MRPL43: variants seen among roughly 807,000 people sequenced by gnomAD.
MRPL43 encodes the protein mitochondrial ribosomal protein L43.
Under a neutral mutation model 12.7 loss-of-function variants are expected in MRPL43, and 9 were observed. That is an observed-to-expected ratio of 0.71 (90% CI 0.43 to 1.24). The LOEUF is 1.24. Among genes scored for constraint, MRPL43 ranks in the 50% most tolerant of loss-of-function variants. The probability of loss-of-function intolerance (pLI) is 0.00; values close to 1 mark genes in which losing one functional copy is unlikely to be tolerated. For synonymous variants in MRPL43, 116 were observed against 96.4 expected (o/e 1.20, Z -1.19); for missense variants, 211 against 229.2 (o/e 0.92, Z 0.51).
At chr10:100,987,292 T>G in intron 1 of MRPL43, 21 bp downstream of exon 1, 1 of 1,611,978 alleles carries the variant, frequency 6.2e-7, no homozygotes, top group Non-Finnish European at 8.5e-7. Context: ...GACCCGCGCC[T>G]GCGCACTTCC....
chr10:100,980,762 G>A, downstream of MRPL43: 4 of 1,606,146 alleles, frequency 2.5e-6, no homozygotes, highest in Non-Finnish European at 2.6e-6. Context: ...AGGTTGGGCA[G>A]AGGCTGTGTA....
In MRPL43 at chr10:100,986,759, G is replaced by A. The variant is rs1363649487; in HGVS notation, c.455C>T (p.Ala152Val). 1.9e-6 allele frequency: 3 copies of A among 1,613,832 alleles called. No homozygotes were observed. Among genetic ancestry groups the A allele is most frequent in the Non-Finnish European group, 2.5e-6 (3 of 1,180,024 alleles). The change falls in exon 3 of 3, where the codon GCC becomes GTC. Residue 152 changes from alanine (A) to valine (V), a missense_variant. Transcript: ENST00000318364. ...GLRPREVQDP[A>V]PAQVQAQ The stretch of plus-strand genomic sequence containing the variant: ...TCACTGTGCTTGCACCTGGGCTGGG[G>A]CAGGATCCTGAACCTCTCGGGGGCG...
chr10:100,984,444 T>A (rs1304136053), downstream of MRPL43: 3 of 1,503,342 alleles, frequency 2.0e-6, no homozygotes, highest in African/African-American at 1.4e-5. Flanking sequence ...GAGGACTCCA[T>A]CCTCCTGTTC....
chr10:100,978,626 T>C, downstream of MRPL43: 1 of 1,613,822 alleles, frequency 6.2e-7, no homozygotes, highest in Non-Finnish European at 8.5e-7. Context: ...GAGACACCAA[T>C]GCATTGGCTC....
downstream of MRPL43, chr10:100,985,926 C>T (rs868068771): frequency 2.6e-5 from 4 of 152,348 alleles, no homozygotes; most frequent in African/African-American, 9.7e-5. Context: ...CACCATCCCC[C>T]CTTTTTAAAC....
downstream of MRPL43, chr10:100,981,014 G>A (rs1423722460): frequency 2.5e-6 from 4 of 1,593,004 alleles, no homozygotes; most frequent in Non-Finnish European, 3.4e-6. Context: ...AGTGGTGGGG[G>A]GTGACAGTCA....
downstream of MRPL43, chr10:100,984,200 T>G: frequency 6.5e-7 from 1 of 1,527,188 alleles, no homozygotes; most frequent in Non-Finnish European, 8.8e-7. Flanking sequence ...ACTGCCTCCC[T>G]AACACAGCCA....
rs62626267 is a variant in MRPL43 at position 100,986,916 on chromosome 10, G to C, written c.298C>G (p.Leu100Val). 1,311 of 1,611,250 alleles carry C rather than the reference G, an allele frequency of 8.1e-4. 16 individuals are homozygous for C. In the African/African-American group the frequency reaches 0.015, roughly 18 times the overall value. Residue 100 changes from leucine (L) to valine (V), a missense_variant, in exon 3 of 3, where the codon CTG becomes GTG. Transcript: ENST00000318364. ...GACTGGTCGGCCAGCTTCTGCACCA[G>C]CGTCGAGATCTCCTCGACCGACTTG... ...HCKSVEEIST[L>V]VQKLADQSGL...
chr10:100,978,637 A>C (rs748404181), downstream of MRPL43: 6 of 1,613,034 alleles, frequency 3.7e-6, no homozygotes, highest in Admixed American at 6.7e-5. Context: ...GCATTGGCTC[A>C]ATGGTTAGGA....
At position 100,987,161 on chromosome 10, in the gene MRPL43, C is replaced by A. The variant is rs533441923; in HGVS notation, c.167G>T (p.Arg56Leu). ...FVEREVIDFARRNPGVVIYVN... is the reference protein window; with the variant it reads ...FVEREVIDFALRNPGVVIYVN... ...ATATATTACGACCCCTGGATTCCGT[C>A]GGGCGAAGTCGATCACCTCCCGCTC... is the stretch of plus-strand genomic sequence containing the variant. The change falls in exon 2 of 3, where the codon CGA becomes CTA. Residue 56 changes from arginine to leucine, a missense_variant. Transcript: ENST00000318364. 3 of 1,613,890 alleles carry A rather than the reference C, an allele frequency of 1.9e-6. No homozygotes were observed. The highest frequency in any genetic ancestry group is 2.7e-5 in the African/African-American group (2 of 75,062).
chr10:100,979,105 G>T, downstream of MRPL43: 1 of 1,614,068 alleles, frequency 6.2e-7, no homozygotes, highest in Non-Finnish European at 8.5e-7. Context: ...TCCCCAGGGA[G>T]ACCTGGGAGG....
downstream of MRPL43, among the ~76,000 whole-genome samples, chr10:100,982,469 GA>G (rs1851144686): frequency 6.6e-6 from 1 of 152,238 alleles, no homozygotes; most frequent in Non-Finnish European, 1.5e-5. Context: ...ATAGATGCCA[GA>G]AACAGAATCT....
At chr10:100,980,916 G>A (rs1307898484), downstream of MRPL43, 32 of 1,612,250 alleles carry the variant, frequency 2.0e-5, no homozygotes, top group South Asian at 5.5e-5. Context: ...ATCTTGGCCC[G>A]AGACCCCTAC....
downstream of MRPL43, chr10:100,980,024 T>C: frequency 6.2e-7 from 1 of 1,613,638 alleles, no homozygotes; most frequent in Non-Finnish European, 8.5e-7. Context: ...CAGTGCTGAG[T>C]AGACAGAGCC....
downstream of MRPL43, chr10:100,981,371 C>T: frequency 6.2e-7 from 1 of 1,609,670 alleles, no homozygotes. Flanking sequence ...GAGCCTGGCA[C>T]AGAGTAAGTG....
chr10:100,977,866 C>A, downstream of MRPL43: 1 of 718,302 alleles, frequency 1.4e-6, no homozygotes. Flanking sequence ...ACAGGGCACT[C>A]CAGTGGCGGC....
At chr10:100,981,068 G>C, downstream of MRPL43, 2 of 1,599,212 alleles carry the variant, frequency 1.3e-6, no homozygotes, top group Non-Finnish European at 1.7e-6. Context: ...GCTACTGGGG[G>C]AGTGCAGGGG....
chr10:100,981,166 A>G (rs1168374434), downstream of MRPL43: 2 of 1,614,230 alleles, frequency 1.2e-6, no homozygotes, highest in Non-Finnish European at 1.7e-6. Flanking sequence ...CTTCTGTCCC[A>G]GGACAGCACT....
At chr10:100,983,670 G>A, downstream of MRPL43, 1 of 1,613,486 alleles carries the variant, frequency 6.2e-7, no homozygotes, top group South Asian at 1.1e-5. Flanking sequence ...CGCGCTTGGT[G>A]GCCTCTGCCT....
Sources: gnomAD v4.1 joint callset for allele counts (sites outside exome capture counted in the v4.1 genomes callset) on GRCh38, gnomAD v4.1.1 for gene constraint, MANE v1.5 for transcripts, NCBI Gene and HGNC (gene_info 2026-07-23, HGNC 2026-07-21) for gene names.